BTG4: variants seen among roughly 807,000 people sequenced by gnomAD.
BTG4 encodes protein BTG4.
A neutral mutation model predicts 19.3 loss-of-function variants in BTG4; 10 were observed. That is an observed-to-expected ratio of 0.52 (90% CI 0.32 to 0.88). The LOEUF is 0.88. Among genes scored for constraint, BTG4 ranks in the 40% least tolerant of loss-of-function variants. The probability of loss-of-function intolerance (pLI) is 0.04; values close to 1 mark genes in which losing one functional copy is unlikely to be tolerated. For synonymous variants in BTG4, 91 were observed against 95.7 expected (o/e 0.95, Z 0.29); for missense variants, 238 against 281.9 (o/e 0.84, Z 1.11).
At chr11:111,461,977 C>G in the BTG4 span, 1 of 152,988 alleles carries the variant, frequency 6.5e-6, no homozygotes, top group African/African-American at 2.4e-5. Context: ...ACTGGAACAG[C>G]TGGGGCACCT....
At chr11:111,396,581 G>A in the BTG4 span, among the ~76,000 whole-genome samples, 1 of 152,222 alleles carries the variant, frequency 6.6e-6, no homozygotes, top group African/African-American at 2.4e-5. Context: ...ATGTAACCAC[G>A]AATGTGGATG....
At chr11:111,396,204 G>A in the BTG4 span, among the ~76,000 whole-genome samples, 71 of 152,324 alleles carry the variant, frequency 4.7e-4, no homozygotes, top group African/African-American at 1.7e-3. Flanking sequence ...AATAGTTGGC[G>A]CTTTGGGGAT....
At chr11:111,386,477 C>T in the BTG4 span, among the ~76,000 whole-genome samples, 54,942 of 152,000 alleles carry the variant, frequency 0.36, 10,766 homozygotes, top group Non-Finnish European at 0.45. Flanking sequence ...TTTTCTATGG[C>T]CCAGAAATTC....
At chr11:111,514,538 G>A, upstream of BTG4, 1 of 491,972 alleles carries the variant, frequency 2.0e-6, no homozygotes, top group Non-Finnish European at 3.7e-6. Context: ...CACTGACTCC[G>A]ACAGGACACA....
At chr11:111,458,505 C>T in the BTG4 span, among the ~76,000 whole-genome samples, 242 of 152,250 alleles carry the variant, frequency 1.6e-3, no homozygotes, top group Non-Finnish European at 2.6e-3. Flanking sequence ...TGAAACACCA[C>T]CAACAGGTGC....
At chr11:111,490,920 ACAT>A (rs1363836353), downstream of BTG4, among the ~76,000 whole-genome samples, 2 of 152,234 alleles carry the variant, frequency 1.3e-5, no homozygotes, top group Non-Finnish European at 2.9e-5. Context: ...CTATGTTCAC[ACAT>A]TGTCTACACA....
the BTG4 span, among the ~76,000 whole-genome samples, chr11:111,433,351 A>AT: frequency 2.6e-5 from 4 of 152,198 alleles, no homozygotes; most frequent in African/African-American, 9.7e-5. Flanking sequence ...GGCTAGCCAT[A>AT]TGTAGAAAGC....
the BTG4 span, chr11:111,414,451 G>A: frequency 6.6e-6 from 1 of 152,116 alleles, no homozygotes; most frequent in Admixed American, 6.5e-5. Flanking sequence ...TCCCTGACAC[G>A]CCTCTCCCCT....
chr11:111,441,332 G>T, the BTG4 span, among the ~76,000 whole-genome samples: 1 of 152,094 alleles, frequency 6.6e-6, no homozygotes, highest in Non-Finnish European at 1.5e-5. Flanking sequence ...GAAGGAAGGA[G>T]TATTGAGAAG....
chr11:111,447,486 G>A, the BTG4 span, among the ~76,000 whole-genome samples: 9 of 152,322 alleles, frequency 5.9e-5, no homozygotes, highest in African/African-American at 1.9e-4. Context: ...CACACACGGA[G>A]AGTACTTAAA....
the BTG4 span, chr11:111,451,083 A>G: frequency 5.4e-6 from 1 of 185,284 alleles, no homozygotes; most frequent in South Asian, 1.2e-4. Flanking sequence ...CTCCAAGTCA[A>G]TGATACCCTG....
chr11:111,432,439 T>C, the BTG4 span, among the ~76,000 whole-genome samples: 3 of 151,804 alleles, frequency 2.0e-5, no homozygotes, highest in South Asian at 6.3e-4. Context: ...AGGTCAGGAG[T>C]TCGAGACCAG....
the BTG4 span, among the ~76,000 whole-genome samples, chr11:111,422,024 C>T: frequency 6.6e-6 from 1 of 152,228 alleles, no homozygotes; most frequent in East Asian, 1.9e-4. Context: ...GCAAGTCAAC[C>T]TCTCCCTATC....
chr11:111,419,059 C>T, the BTG4 span, among the ~76,000 whole-genome samples: 6 of 152,220 alleles, frequency 3.9e-5, no homozygotes, highest in Admixed American at 3.9e-4. Context: ...AATCTCTTCT[C>T]ATAAGGACAC....
chr11:111,431,209 A>G, the BTG4 span, among the ~76,000 whole-genome samples: 27 of 152,234 alleles, frequency 1.8e-4, no homozygotes, highest in Admixed American at 1.6e-3. Flanking sequence ...GTTCAGGTCA[A>G]CACATTGCTT....
chr11:111,386,677 C>T, the BTG4 span, among the ~76,000 whole-genome samples: 51 of 152,248 alleles, frequency 3.3e-4, no homozygotes, highest in South Asian at 2.1e-4. Context: ...TAGAGAAATA[C>T]TATGATATCA....
the BTG4 span, among the ~76,000 whole-genome samples, chr11:111,425,924 G>A: frequency 2.0e-5 from 3 of 152,116 alleles, no homozygotes; most frequent in African/African-American, 4.8e-5. Flanking sequence ...CCAGCTACTC[G>A]GGAGGCTGAG....
At chr11:111,434,100 C>T in the BTG4 span, among the ~76,000 whole-genome samples, 1 of 152,178 alleles carries the variant, frequency 6.6e-6, no homozygotes, top group African/African-American at 2.4e-5. Context: ...CACATGCACA[C>T]GTATGTTTAT....
At chr11:111,512,562 G>A (rs1344357998), upstream of BTG4, among the ~76,000 whole-genome samples, 1 of 152,190 alleles carries the variant, frequency 6.6e-6, no homozygotes, top group African/African-American at 2.4e-5. Flanking sequence ...CTGAAGCCTG[G>A]CGTGAAGGAA....
Sources: gnomAD v4.1 joint callset for allele counts (sites outside exome capture counted in the v4.1 genomes callset) on GRCh38, gnomAD v4.1.1 for gene constraint, MANE v1.5 for transcripts, NCBI Gene and HGNC (gene_info 2026-07-23, HGNC 2026-07-21) for gene names.